The following MYH10 variants were observed in gnomAD, a reference collection of about 807,000 sequenced individuals.
The protein encoded by MYH10 is myosin-10.
Under a neutral mutation model 257.8 loss-of-function variants are expected in MYH10, and 55 were observed. The observed-to-expected ratio is 0.21, with a 90% CI of 0.17 to 0.27. The LOEUF (loss-of-function observed/expected upper bound fraction) is 0.27. MYH10 is among the 10% of genes least tolerant of loss of function. MYH10 has a pLI of 1.00. For missense variants in MYH10, 1,631 were observed against 2,500.6 expected (o/e 0.65, Z 7.42); for synonymous variants, 854 against 921.7 (o/e 0.93, Z 1.33).
intron 2 of MYH10, among the ~76,000 whole-genome samples, chr17:8,608,766 C>T (rs187630440): frequency 3.3e-5 from 5 of 152,324 alleles, no homozygotes; most frequent in Admixed American, 6.5e-5. Flanking sequence ...CTATGCTGAC[C>T]ACTCTGCCTG....
chr17:8,503,592 G>GCCCAGGTTTCCAGCTGCTGGGTGGA (rs1164700555), intron 28 of MYH10, among the ~76,000 whole-genome samples: 2 of 152,170 alleles, frequency 1.3e-5, no homozygotes, highest in African/African-American at 4.8e-5. Context: ...ACGACCAAGT[G>GCCCAGGTTTCCAGCTGCTGGGTGGA]CCCAGGTTTC....
At chr17:8,629,055 C>A (rs1304687888) in intron 1 of MYH10, among the ~76,000 whole-genome samples, 1 of 152,004 alleles carries the variant, frequency 6.6e-6, no homozygotes, top group African/African-American at 2.4e-5. Flanking sequence ...TTCCAGAACC[C>A]GAGACAGGCA....
chr17:8,479,176 A>G (rs1221837031), intron 40 of MYH10, among the ~76,000 whole-genome samples: 1 of 152,216 alleles, frequency 6.6e-6, no homozygotes, highest in East Asian at 1.9e-4. Context: ...TGATTGTTTC[A>G]CTTGATAATT....
At chr17:8,578,136 C>T (rs549626661) in intron 4 of MYH10, among the ~76,000 whole-genome samples, 17 of 152,118 alleles carry the variant, frequency 1.1e-4, no homozygotes, top group East Asian at 7.7e-4. Context: ...AGGCTAGTGA[C>T]GATTCACTTC....
intron 4 of MYH10, among the ~76,000 whole-genome samples, chr17:8,585,843 A>C (rs1011561429): frequency 1.3e-5 from 2 of 152,236 alleles, no homozygotes; most frequent in African/African-American, 4.8e-5. Context: ...TTTCAAAAGA[A>C]AAAGATGAAA....
intron 2 of MYH10, among the ~76,000 whole-genome samples, chr17:8,613,325 A>G (rs2085117042): frequency 6.6e-6 from 1 of 152,086 alleles, no homozygotes; most frequent in Non-Finnish European, 1.5e-5. Context: ...AAAGATGTGG[A>G]AAAAAAAGAG....
intron 4 of MYH10, among the ~76,000 whole-genome samples, chr17:8,584,376 T>C (rs896637556): frequency 2.6e-5 from 4 of 152,220 alleles, no homozygotes; most frequent in Middle Eastern, 3.2e-3. Flanking sequence ...AGAAAGTGTA[T>C]TTGGGCCAAG....
At chr17:8,608,159 T>C (rs1034760407) in intron 2 of MYH10, among the ~76,000 whole-genome samples, 1 of 152,198 alleles carries the variant, frequency 6.6e-6, no homozygotes, top group Non-Finnish European at 1.5e-5. Flanking sequence ...GATTTTGTCA[T>C]CTATGGGTGA....
intron 7 of MYH10, among the ~76,000 whole-genome samples, chr17:8,566,125 C>T (rs1160954969): frequency 6.6e-6 from 1 of 152,120 alleles, no homozygotes; most frequent in Non-Finnish European, 1.5e-5. Flanking sequence ...CCCAGTTAAA[C>T]AAAGAAAGAT....
Position 8,570,495 on chromosome 17 carries a change from T to C in MYH10, c.664-683A>G, listed in dbSNP as rs559875804. ...AATATATTAATACGTACTTTAATCATGAAACACAATAGAAAGCTGTATGAG... is the reference window on the plus strand; with the variant it reads ...AATATATTAATACGTACTTTAATCACGAAACACAATAGAAAGCTGTATGAG... On this transcript the variant is annotated intron_variant, in intron 6 of 42. Transcript: ENST00000360416. Among the ~76,000 whole-genome samples, 127 of 152,308 alleles carry C rather than the reference T, an allele frequency of 8.3e-4. 2 individuals are homozygous for C. The South Asian group carries it at 0.025, about 30-fold the overall frequency.
At chr17:8,517,072 C>T (rs1035680020) in intron 21 of MYH10, among the ~76,000 whole-genome samples, 11 of 152,190 alleles carry the variant, frequency 7.2e-5, no homozygotes, top group African/African-American at 9.6e-5. Flanking sequence ...ACCCAGGAGG[C>T]GGAGCTTGCA....
chr17:8,559,345 C>A, intron 7 of MYH10, among the ~76,000 whole-genome samples: 1 of 152,106 alleles, frequency 6.6e-6, no homozygotes, highest in East Asian at 1.9e-4. Context: ...CTAAAAATAA[C>A]CTACAAAGAT....
intron 3 of MYH10, among the ~76,000 whole-genome samples, chr17:8,592,816 G>GAAAAAAAAAAAAAAA (rs67151329): frequency 3.3e-5 from 1 of 30,424 alleles, no homozygotes; most frequent in African/African-American, 1.2e-4. Flanking sequence ...AATGAAATCA[G>GAAAAAAAAAAAAAAA]AAAAAAAAAA....
In MYH10 at chr17:8,545,878, G is replaced by A. The variant is rs1481422403; in HGVS notation, c.1279-278C>T. Among the ~76,000 whole-genome samples the A allele has an allele frequency of 2.6e-5, 4 of 152,124 alleles. No homozygotes were observed. Among genetic ancestry groups the A allele is most frequent in the Non-Finnish European group, 5.9e-5 (4 of 68,032 alleles). ...GGGTAGCACTGTCCGCCTGGATTCA[G>A]CTCAGTTAAGCTGGTACTTTCTCTC... On this transcript the variant is annotated intron_variant, in intron 12 of 42. Transcript: ENST00000360416. The surrounding 1 kb of genome is among the most constrained non-coding windows in gnomAD (Gnocchi z 4.7).
intron 3 of MYH10, among the ~76,000 whole-genome samples, chr17:8,589,458 C>CCT (rs1372381073): frequency 6.6e-6 from 1 of 152,180 alleles, no homozygotes; most frequent in African/African-American, 2.4e-5. Flanking sequence ...GGCACTCCAC[C>CCT]TCACTAAATC....
intron 7 of MYH10, among the ~76,000 whole-genome samples, chr17:8,559,707 G>GT (rs1160600205): frequency 2.2e-4 from 33 of 151,990 alleles, no homozygotes; most frequent in Non-Finnish European, 1.9e-4. Flanking sequence ...TTTTGTCTTT[G>GT]TTTTTTGGAA....
intron 2 of MYH10, among the ~76,000 whole-genome samples, chr17:8,618,424 A>T (rs1388412686): frequency 6.6e-6 from 1 of 152,104 alleles, no homozygotes. Context: ...TTTTTAGTAG[A>T]GACAGGGTTT....
intron 17 of MYH10, among the ~76,000 whole-genome samples, chr17:8,523,729 A>C (rs2081737968): frequency 6.6e-6 from 1 of 152,192 alleles, no homozygotes; most frequent in African/African-American, 2.4e-5. Context: ...GGGCAGCTGG[A>C]GCTAGTGAGA....
At chr17:8,629,616 C>T (rs1160827595) in intron 1 of MYH10, among the ~76,000 whole-genome samples, 3 of 152,130 alleles carry the variant, frequency 2.0e-5, no homozygotes, top group East Asian at 1.9e-4. Context: ...AACTTCCCTC[C>T]GAACCAATTC....
Sources: allele counts gnomAD v4.1 joint callset (sites outside exome capture counted in the v4.1 genomes callset), GRCh38; gene constraint gnomAD v4.1.1; non-coding constraint Gnocchi (gnomAD v3.1); transcripts MANE v1.5; gene names NCBI Gene and HGNC (gene_info 2026-07-23, HGNC 2026-07-21).